Variants in PTPRD observed in about 807,000 individuals in gnomAD.
PTPRD encodes protein tyrosine phosphatase receptor type D.
PTPRD carries 34 observed loss-of-function variants against 214.5 expected under a neutral mutation model. The observed-to-expected ratio is 0.16, with a 90% CI of 0.12 to 0.21. The LOEUF is 0.21. Among genes scored for constraint, PTPRD ranks in the 10% least tolerant of loss-of-function variants. The probability of loss-of-function intolerance (pLI) is 1.00; values close to 1 mark genes in which losing one functional copy is unlikely to be tolerated. For missense variants in PTPRD, 2,545 were observed against 2,398.7 expected (o/e 1.06, Z -1.27); for synonymous variants, 1,128 against 845.7 (o/e 1.33, Z -5.79).
At chr9:10,571,535 A>G (rs371135815) in intron 2 of PTPRD, among the ~76,000 whole-genome samples, 3 of 152,180 alleles carry the variant, frequency 2.0e-5, no homozygotes, top group African/African-American at 7.2e-5. Context: ...ATTGGATGAC[A>G]GACCTTGGAA....
At chr9:10,244,396 G>C (rs1459258936) in intron 3 of PTPRD, among the ~76,000 whole-genome samples, 1 of 152,118 alleles carries the variant, frequency 6.6e-6, no homozygotes, top group East Asian at 1.9e-4. Flanking sequence ...AGGTCTGTTA[G>C]ACCCTGGCTG....
chr9:9,558,879 C>T (rs1157613267), intron 8 of PTPRD, among the ~76,000 whole-genome samples: 1 of 152,094 alleles, frequency 6.6e-6, no homozygotes, highest in Non-Finnish European at 1.5e-5. Flanking sequence ...TGTCTCAGGC[C>T]CCATGACCTT....
intron 9 of PTPRD, among the ~76,000 whole-genome samples, chr9:9,216,902 T>C (rs1051791213): frequency 6.6e-6 from 1 of 152,172 alleles, no homozygotes; most frequent in African/African-American, 2.4e-5. Flanking sequence ...TACCAACATT[T>C]ATTGTTTTTT....
intron 11 of PTPRD, among the ~76,000 whole-genome samples, chr9:8,817,635 G>GTAAAA (rs971972046): frequency 2.0e-5 from 3 of 151,906 alleles, no homozygotes; most frequent in Non-Finnish European, 4.4e-5. Flanking sequence ...TGTCTCTAAA[G>GTAAAA]TAAAATAAAA....
At chr9:10,356,120 T>C (rs535806054) in intron 2 of PTPRD, among the ~76,000 whole-genome samples, 1 of 152,256 alleles carries the variant, frequency 6.6e-6, no homozygotes, top group Admixed American at 6.5e-5. Flanking sequence ...GCCTTTTTTT[T>C]TTTTCAGGTA....
intron 3 of PTPRD, among the ~76,000 whole-genome samples, chr9:10,103,441 C>T (rs955692493): frequency 1.4e-5 from 2 of 138,564 alleles, no homozygotes; most frequent in Non-Finnish European, 3.1e-5. Flanking sequence ...TGAATAAAAA[C>T]CACATTCCAC....
chr9:9,193,379 C>A (rs116712823), intron 9 of PTPRD, among the ~76,000 whole-genome samples: 2 of 152,086 alleles, frequency 1.3e-5, no homozygotes, highest in Non-Finnish European at 2.9e-5. Context: ...ATAATCTTCT[C>A]CTGTTTTGTA....
chr9:10,423,453 A>AT (rs1397482337), intron 2 of PTPRD, among the ~76,000 whole-genome samples: 2 of 152,146 alleles, frequency 1.3e-5, no homozygotes, highest in East Asian at 3.9e-4. Context: ...TTAAAATATA[A>AT]TTTAAAAAAA....
intron 8 of PTPRD, among the ~76,000 whole-genome samples, chr9:9,543,919 C>T (rs970358924): frequency 4.0e-5 from 6 of 151,572 alleles, no homozygotes; most frequent in Non-Finnish European, 7.4e-5. Context: ...TTTTCCAGAA[C>T]TTTTAATACA....
At chr9:10,591,243 T>G (rs1468036753) in intron 2 of PTPRD, among the ~76,000 whole-genome samples, 1 of 151,880 alleles carries the variant, frequency 6.6e-6, no homozygotes. Flanking sequence ...ATTTATATTA[T>G]TTTTTGTTGG....
intron 8 of PTPRD, among the ~76,000 whole-genome samples, chr9:9,479,223 C>A (rs1034764047): frequency 1.9e-4 from 3 of 15,994 alleles, no homozygotes; most frequent in African/African-American, 4.2e-4. Context: ...ACGCCCCCCC[C>A]CCCCCCACAC....
intron 11 of PTPRD, among the ~76,000 whole-genome samples, chr9:8,775,664 T>A (rs994376674): frequency 1.3e-5 from 2 of 152,166 alleles, no homozygotes; most frequent in Non-Finnish European, 2.9e-5. Context: ...CTCTGTTATC[T>A]CAATTATAAA....
intron 5 of PTPRD, among the ~76,000 whole-genome samples, chr9:9,807,041 G>C (rs2045674271): frequency 6.6e-6 from 1 of 152,112 alleles, no homozygotes; most frequent in Non-Finnish European, 1.5e-5. Flanking sequence ...GGAATACTCG[G>C]ATCTCTCAAG....
chr9:9,217,198 G>A (rs927723171), intron 9 of PTPRD, among the ~76,000 whole-genome samples: 14 of 152,054 alleles, frequency 9.2e-5, no homozygotes, highest in African/African-American at 3.4e-4. Flanking sequence ...TCCTAATGTT[G>A]GGGATCCTGG....
chr9:9,945,278 C>G (rs987127123), intron 4 of PTPRD, among the ~76,000 whole-genome samples: 3 of 151,762 alleles, frequency 2.0e-5, no homozygotes, highest in Admixed American at 2.0e-4. Context: ...AGAAAATATG[C>G]CTGGAAGCAT....
At chr9:8,755,421 C>T (rs1340850657) in intron 11 of PTPRD, among the ~76,000 whole-genome samples, 2 of 151,038 alleles carry the variant, frequency 1.3e-5, no homozygotes, top group African/African-American at 2.4e-5. Flanking sequence ...CCCAGCTACT[C>T]AGGAGGCTGA....
intron 9 of PTPRD, among the ~76,000 whole-genome samples, chr9:9,345,300 C>A (rs1239621861): frequency 6.6e-6 from 1 of 151,952 alleles, no homozygotes; most frequent in Non-Finnish European, 1.5e-5. Flanking sequence ...TCCATTAGGG[C>A]AGCCCTCATC....
chr9:9,278,012 T>C (rs1224966297), intron 9 of PTPRD, among the ~76,000 whole-genome samples: 1 of 151,424 alleles, frequency 6.6e-6, no homozygotes. Context: ...ACTAATTACA[T>C]TAACTTTCAC....
chr9:9,158,478 T>C (rs549930065), intron 10 of PTPRD, among the ~76,000 whole-genome samples: 1 of 152,236 alleles, frequency 6.6e-6, no homozygotes, highest in Admixed American at 6.5e-5. Context: ...CACGTGCCTG[T>C]AATCCCAGCT....
Sources: gnomAD v4.1 joint callset for allele counts (sites outside exome capture counted in the v4.1 genomes callset) on GRCh38, gnomAD v4.1.1 for gene constraint, MANE v1.5 for transcripts, NCBI Gene and HGNC (gene_info 2026-07-23, HGNC 2026-07-21) for gene names.